PCYT2: variants seen among roughly 807,000 people sequenced by gnomAD.
PCYT2 encodes the protein phosphate cytidylyltransferase 2, ethanolamine, also known as ethanolamine-phosphate cytidylyltransferase.
A neutral mutation model predicts 50.0 loss-of-function variants in PCYT2; 33 were observed. The observed-to-expected ratio is 0.66, with a 90% confidence interval of 0.50 to 0.88. The LOEUF is 0.88. PCYT2 is among the 40% of genes least tolerant of loss of function. The pLI, the probability that PCYT2 is intolerant of heterozygous loss-of-function variation, is 0.00. For synonymous variants in PCYT2, 240 were observed against 203.7 expected (o/e 1.18, Z -1.52); for missense variants, 430 against 519.7 (o/e 0.83, Z 1.68).
At chr17:81,905,949 A>G in intron 9 of PCYT2, 151 bp downstream of exon 9, 1 of 740,002 alleles carries the variant, frequency 1.4e-6, no homozygotes, top group Non-Finnish European at 2.3e-6. Context: ...CTCAACAAAC[A>G]GGTATGGGCA....
chr17:81,910,806 G>T, intron 1 of PCYT2: 1 of 808,144 alleles, frequency 1.2e-6, no homozygotes, highest in Non-Finnish European at 1.5e-6. Context: ...ACTGGCCAGG[G>T]AAGACCGATC....
At position 81,902,806 on chromosome 17, in the gene PCYT2, AC is replaced by A; in HGVS notation, c.*2026del. On this transcript the variant is annotated 3_prime_UTR_variant, in exon 13 of 13. Coordinates refer to ENST00000538936, the MANE Select transcript of PCYT2 (RefSeq NM_002861.5). ...CCCGCCCCCACCGTCCCACTCGGTG[AC>A]CCCAGGCCCCTCCGGCGCGGGATGG... 1.3e-6 allele frequency: 2 copies of A among 1,489,084 alleles called. No individual in the cohort carries two copies. 92.2% of individuals were successfully genotyped at this position (1,489,084 alleles called of 1,614,324 possible).
rs563070673 is a variant in PCYT2 at position 81,903,436 on chromosome 17, G to C, written c.*1397C>G. On this transcript the variant is annotated 3_prime_UTR_variant, in exon 13 of 13. Transcript: ENST00000538936. ...CTGCTACGGGGCCAGGCCCACCTCCGGGCCCAGGCAGCAGCACTGCAGGGC... is the reference window on the plus strand; with the variant it reads ...CTGCTACGGGGCCAGGCCCACCTCCCGGCCCAGGCAGCAGCACTGCAGGGC... 16 of 152,388 alleles carry C rather than the reference G, an allele frequency of 1.0e-4. No homozygotes were observed. Among genetic ancestry groups the C allele is most frequent in the African/African-American group, 2.4e-5 (1 of 41,462 alleles). 9.4% of individuals were successfully genotyped at this position (152,388 alleles called of 1,614,324 possible).
Position 81,902,267 on chromosome 17 carries a change from C to A in PCYT2, c.*2566G>T. On this transcript the variant is annotated 3_prime_UTR_variant, in exon 13 of 13. Transcript: ENST00000538936. Reference sequence around the variant, plus strand: ...CCGGACGCCGCCGCCCACCAGTCAGCCGGCGTCCCCATGGCCCGGTCCGCG... The same window carrying A: ...CCGGACGCCGCCGCCCACCAGTCAGACGGCGTCCCCATGGCCCGGTCCGCG... The A allele has an allele frequency of 8.0e-7, 1 of 1,250,342 alleles. No individual in the cohort carries two copies. Among genetic ancestry groups the A allele is most frequent in the Non-Finnish European group, 1.0e-6 (1 of 999,586 alleles). 77.5% of individuals were successfully genotyped at this position (1,250,342 alleles called of 1,614,324 possible). A position where few individuals can be genotyped will look rare whatever the true frequency, so the allele number is the denominator to read the frequency against.
At chr17:81,910,158 C>T (rs2040503143) in intron 1 of PCYT2, among the ~76,000 whole-genome samples, 1 of 152,254 alleles carries the variant, frequency 6.6e-6, no homozygotes, top group East Asian at 1.9e-4. Context: ...GGGTGAACAG[C>T]CACTGCCTTG....
chr17:81,908,093 T>C (rs74006130), intron 4 of PCYT2, among the ~76,000 whole-genome samples: 12,940 of 152,196 alleles, frequency 0.085, 1,869 homozygotes, highest in African/African-American at 0.3. Flanking sequence ...AAAGGACCCT[T>C]GCTGGGGCCC....
At chr17:81,908,685 C>T (rs372935109) in intron 3 of PCYT2, 51 bp from the exon 4 acceptor site, 1 of 1,512,420 alleles carries the variant, frequency 6.6e-7, no homozygotes, top group Non-Finnish European at 9.2e-7. Context: ...GCCACCAGAA[C>T]CTTCAGAGCC....
chr17:81,910,380 G>C (rs2040521912), intron 1 of PCYT2, among the ~76,000 whole-genome samples: 1 of 152,234 alleles, frequency 6.6e-6, no homozygotes, highest in South Asian at 2.1e-4. Flanking sequence ...ACAGTGCACA[G>C]AGTTGCTCCA....
At chr17:81,909,774 A>T (rs963773061) in intron 1 of PCYT2, among the ~76,000 whole-genome samples, 172 bp from the exon 2 acceptor site, 1 of 152,070 alleles carries the variant, frequency 6.6e-6, no homozygotes, top group African/African-American at 2.4e-5. Flanking sequence ...TCAGCTCTCC[A>T]CCCCACTGGC....
rs1339992724 is a variant in PCYT2, at chr17:81,901,951, G to A, written c.*2882C>T. The A allele has an allele frequency of 2.0e-5, 4 of 197,028 alleles. No individual in the cohort carries two copies. Among genetic ancestry groups the A allele is most frequent in the Admixed American group, 1.8e-4 (3 of 16,544 alleles). The allele number at this position is 197,028 out of a possible 1,614,324, so 12.2% of individuals were successfully genotyped here. ...TGGGGGACGACTCCTAGGGCTGGGC[G>A]CCCGTGGGCCCTCCCCTGCTGCCAC... is the stretch of plus-strand genomic sequence containing the variant. On this transcript the variant is annotated 3_prime_UTR_variant, in exon 13 of 13. Transcript: ENST00000538936.
chr17:81,906,234 C>T, intron 8 of PCYT2, 57 bp from the exon 9 acceptor site: 2 of 1,453,020 alleles, frequency 1.4e-6, no homozygotes, highest in South Asian at 2.5e-5. Context: ...ACAGGGTGTG[C>T]CCCTCCCGGC....
Position 81,902,464 on chromosome 17 carries a change from G to A in PCYT2, c.*2369C>T. 1.4e-6 allele frequency: 2 copies of A among 1,388,454 alleles called. No individual in the cohort carries two copies. Among genetic ancestry groups the A allele is most frequent in the Non-Finnish European group, 1.9e-6 (2 of 1,080,552 alleles). The allele number at this position is 1,388,454 out of a possible 1,614,324, so 86.0% of individuals were successfully genotyped here. A position where few individuals can be genotyped will look rare whatever the true frequency, so the allele number is the denominator to read the frequency against. On this transcript the variant is annotated 3_prime_UTR_variant, in exon 13 of 13. Coordinates refer to ENST00000538936, the MANE Select transcript of PCYT2 (RefSeq NM_002861.5). ...GCGCTCCCAGCCCTACAGAGGGGCG[G>A]AACCCCCGGGCGGGGCCGGCGCCTC...
Position 81,911,249 on chromosome 17 carries a change from C to A in PCYT2, c.89+18G>T, listed in dbSNP as rs547192871. 312 of 1,038,198 alleles carry A rather than the reference C, an allele frequency of 3.0e-4. 1 individual carries two copies. The Admixed American group carries it at 3.8e-3, about 13-fold the overall frequency. The allele number at this position is 1,038,198 out of a possible 1,614,324, so 64.3% of individuals were successfully genotyped here. On this transcript the variant is annotated intron_variant, in intron 1 of 12. Transcript: ENST00000538936. The stretch of plus-strand genomic sequence containing the variant: ...CCGGCCCCGGCGCCCCCGCGGCCCG[C>A]CCCGGCCCCGCGCTCACCAGCCATC...
In PCYT2 at chr17:81,902,933, A is replaced by G. The variant is rs538235291; in HGVS notation, c.*1900T>C. ...GAGGGGTGCTGGAGGACTGGCAGCC[A>G]GGCCACGAGGGGAACGGGACCTGGA... On this transcript the variant is annotated 3_prime_UTR_variant, in exon 13 of 13. Transcript: ENST00000538936. 19 of 551,402 alleles carry G rather than the reference A, an allele frequency of 3.4e-5. No homozygotes were observed. In the South Asian group the frequency reaches 4.6e-4, roughly 13 times the overall value. 34.2% of individuals were successfully genotyped at this position (551,402 alleles called of 1,614,324 possible). A position where few individuals can be genotyped will look rare whatever the true frequency, so the allele number is the denominator to read the frequency against.
At chr17:81,910,597 C>G (rs940713139) in intron 1 of PCYT2, among the ~76,000 whole-genome samples, 81 of 152,300 alleles carry the variant, frequency 5.3e-4, no homozygotes, top group Middle Eastern at 3.4e-3. Context: ...AGCCACATTC[C>G]TTTTCCCAGA....
At chr17:81,907,266 G>T in intron 6 of PCYT2, 1 of 1,531,666 alleles carries the variant, frequency 6.5e-7, no homozygotes, top group South Asian at 1.2e-5. Context: ...GGCTACAATG[G>T]GAGAGAGGGC....
At chr17:81,909,730 A>C (rs1164342223) in intron 1 of PCYT2, 128 bp from the exon 2 acceptor site, 2 of 703,752 alleles carry the variant, frequency 2.8e-6, no homozygotes, top group Admixed American at 4.1e-5. Context: ...TGCTGCTGGG[A>C]GCCCTGGGAC....
In PCYT2 at chr17:81,911,138, AG is replaced by A. The variant is rs2040580003; in HGVS notation, c.89+128del. Reference sequence around the variant, plus strand: ...CGGCAGGCGAGCCCCGCAGCCTGCCAGCCCCGGCCCATGCCGGACGAGGACG... The same window carrying A: ...CGGCAGGCGAGCCCCGCAGCCTGCCACCCCGGCCCATGCCGGACGAGGACG... On this transcript the variant is annotated intron_variant, in intron 1 of 12. Coordinates refer to ENST00000538936, the MANE Select transcript of PCYT2 (RefSeq NM_002861.5). 4.0e-6 allele frequency: 4 copies of A among 1,001,208 alleles called. No individual in the cohort carries two copies. The South Asian group carries it at 1.8e-4, about 46-fold the overall frequency. 62.0% of individuals were successfully genotyped at this position (1,001,208 alleles called of 1,614,324 possible).
At chr17:81,906,928 G>A (rs764230744) in intron 6 of PCYT2, 30 bp from the exon 7 acceptor site, 35 of 1,605,816 alleles carry the variant, frequency 2.2e-5, no homozygotes, top group Admixed American at 1.7e-4. Flanking sequence ...GCAGGTTGGC[G>A]GGGGAGGCCT....
Sources: gnomAD v4.1 joint callset for allele counts (sites outside exome capture counted in the v4.1 genomes callset) on GRCh38, gnomAD v4.1.1 for gene constraint, MANE v1.5 for transcripts, NCBI Gene and HGNC (gene_info 2026-07-23, HGNC 2026-07-21) for gene names.